AMZ2: variants seen among roughly 807,000 people sequenced by gnomAD.
The protein encoded by AMZ2 is archaelysin family metallopeptidase 2.
AMZ2 carries 26 observed loss-of-function variants against 36.7 expected under a neutral mutation model. The ratio of observed to expected loss-of-function variants is 0.71; its 90% CI spans 0.52 to 0.98. The LOEUF (loss-of-function observed/expected upper bound fraction) is 0.98, where lower values mean the gene tolerates loss of function less well. AMZ2 is among the 50% of genes least tolerant of loss of function. AMZ2 has a pLI of 0.00. For synonymous variants in AMZ2, 144 were observed against 149.1 expected (o/e 0.97, Z 0.25); for missense variants, 394 against 430.5 (o/e 0.92, Z 0.75).
At chr17:68,250,590 G>A in intron 2 of AMZ2, 120 bp downstream of exon 2, 1 of 1,359,522 alleles carries the variant, frequency 7.4e-7, no homozygotes, top group Non-Finnish European at 1.0e-6. Context: ...GATATTCATT[G>A]CGGCGGTACA....
upstream of AMZ2, chr17:68,247,605 G>A (rs2074085183): frequency 1.0e-6 from 1 of 982,832 alleles, no homozygotes; most frequent in East Asian, 1.1e-4. Flanking sequence ...GAGGGTGACG[G>A]CCCCGGGGAG....
At chr17:68,254,949 C>T (rs1453428108) in intron 5 of AMZ2, among the ~76,000 whole-genome samples, 13 of 152,200 alleles carry the variant, frequency 8.5e-5, no homozygotes, top group African/African-American at 3.1e-4. Context: ...GGCCTTCCTG[C>T]CCTGGGCTCC....
chr17:68,237,574 A>C (rs1387090533), intron 1 of AMZ2, among the ~76,000 whole-genome samples: 1 of 152,202 alleles, frequency 6.6e-6, no homozygotes, highest in Non-Finnish European at 1.5e-5. Flanking sequence ...ACAGGTGTTC[A>C]GTGGGGAGTT....
chr17:68,206,729 GCACACAAACACA>G (rs2144428140), intron 1 of AMZ2: 1 of 152,324 alleles, frequency 6.6e-6, no homozygotes, highest in South Asian at 2.1e-4. Flanking sequence ...ACAGATTGTG[GCACACAAACACA>G]CACAAAAACA....
chr17:68,247,737 G>A (rs2074091669), upstream of AMZ2: 2 of 985,398 alleles, frequency 2.0e-6, no homozygotes, highest in Non-Finnish European at 2.4e-6. Flanking sequence ...CCACACGGGA[G>A]ACCCCAGCGA....
intron 1 of AMZ2, among the ~76,000 whole-genome samples, chr17:68,240,187 C>T (rs2073873095): frequency 6.6e-6 from 1 of 152,146 alleles, no homozygotes; most frequent in Non-Finnish European, 1.5e-5. Flanking sequence ...GGTGAGCTGA[C>T]TCCCTTGGGT....
chr17:68,246,859 AAGG>A (rs2074036187), upstream of AMZ2: 1 of 152,226 alleles, frequency 6.6e-6, no homozygotes, highest in Non-Finnish European at 1.5e-5. Flanking sequence ...TGAGACTGGG[AAGG>A]AGAATTAGGA....
chr17:68,250,570 G>A, intron 2 of AMZ2, 100 bp downstream of exon 2: 5 of 1,425,216 alleles, frequency 3.5e-6, no homozygotes, highest in Non-Finnish European at 4.7e-6. Context: ...GCCGTTTTAG[G>A]ATCGTTTTTG....
intron 1 of AMZ2, chr17:68,206,488 C>T (rs781970325): frequency 4.5e-5 from 8 of 176,084 alleles, no homozygotes; most frequent in Non-Finnish European, 9.4e-5. Context: ...CTCTCTCCCC[C>T]CCAACCTCCT....
chr17:68,223,899 T>TATATA (rs36111520), intron 1 of AMZ2, among the ~76,000 whole-genome samples: 11,585 of 103,714 alleles, frequency 0.11, 619 homozygotes, highest in Non-Finnish European at 0.15. Flanking sequence ...TATATATATA[T>TATATA]TTTTTTTTGA....
upstream of AMZ2, chr17:68,247,786 A>G (rs544218863): frequency 3.6e-5 from 35 of 985,522 alleles, no homozygotes; most frequent in African/African-American, 6.1e-4. Flanking sequence ...CGGGCCGCGG[A>G]GCCGCCGCGA....
At chr17:68,206,543 G>C (rs2072840684) in intron 1 of AMZ2, 1 of 155,692 alleles carries the variant, frequency 6.4e-6, no homozygotes, top group Non-Finnish European at 1.4e-5. Flanking sequence ...TCTCCACCGG[G>C]CAGGATTGAA....
At chr17:68,215,211 T>A (rs2073166434) in intron 1 of AMZ2, among the ~76,000 whole-genome samples, 1 of 152,182 alleles carries the variant, frequency 6.6e-6, no homozygotes, top group Non-Finnish European at 1.5e-5. Context: ...CTATGTCTTT[T>A]GGTTTGGATC....
At chr17:68,248,998 T>G in intron 1 of AMZ2, 1 of 1,031,112 alleles carries the variant, frequency 9.7e-7, no homozygotes, top group South Asian at 4.8e-5. Flanking sequence ...AACTTTTTCC[T>G]TAATTCAAAA....
At chr17:68,241,563 T>C (rs1555733979) in intron 1 of AMZ2, among the ~76,000 whole-genome samples, 1 of 152,110 alleles carries the variant, frequency 6.6e-6, no homozygotes, top group Non-Finnish European at 1.5e-5. Context: ...TGGAGATAAA[T>C]ACCAGAAAAA....
chr17:68,230,697 A>G (rs1555731034), intron 1 of AMZ2, among the ~76,000 whole-genome samples: 1 of 152,200 alleles, frequency 6.6e-6, no homozygotes, highest in Non-Finnish European at 1.5e-5. Context: ...AGAAGGGAAC[A>G]GGGAGATCAC....
chr17:68,231,798 G>A (rs1275155782), intron 1 of AMZ2, among the ~76,000 whole-genome samples: 6 of 152,198 alleles, frequency 3.9e-5, no homozygotes, highest in Non-Finnish European at 7.3e-5. Flanking sequence ...ATTTCCCTTG[G>A]AGAGAGGGTG....
intron 1 of AMZ2, 106 bp from the exon 2 acceptor site, chr17:68,250,082 A>G (rs1389947573): frequency 1.6e-6 from 2 of 1,216,232 alleles, no homozygotes; most frequent in Non-Finnish European, 1.1e-6. Flanking sequence ...ATTAGCAATC[A>G]GTCATTTCAC....
chr17:68,250,677 G>A, intron 2 of AMZ2, 117 bp from the exon 3 acceptor site: 5 of 1,194,396 alleles, frequency 4.2e-6, no homozygotes, highest in East Asian at 2.4e-5. Context: ...GAATGATAAA[G>A]GTTATTGAAA....
Sources: allele counts gnomAD v4.1 joint callset (sites outside exome capture counted in the v4.1 genomes callset), GRCh38; gene constraint gnomAD v4.1.1; transcripts MANE v1.5; gene names NCBI Gene and HGNC (gene_info 2026-07-23, HGNC 2026-07-21).